Variants in TXNL1 observed in about 807,000 individuals in gnomAD.
TXNL1 encodes thioredoxin-like protein 1.
TXNL1 carries 14 observed loss-of-function variants against 35.5 expected under a neutral mutation model. That is an observed-to-expected ratio of 0.39 (90% CI 0.26 to 0.62). TXNL1 has a LOEUF of 0.62. TXNL1 is among the 20% of genes least tolerant of loss of function. TXNL1 has a pLI of 0.47. For missense variants in TXNL1, 263 were observed against 349.7 expected, an observed-to-expected ratio of 0.75 and a Z score of 1.98; for synonymous variants, 110 against 115.5, an observed-to-expected ratio of 0.95 and a Z score of 0.31.
At chr18:56,609,576 AATGAT>A (rs974375289) in intron 7 of TXNL1, 16 of 152,218 alleles carry the variant, frequency 1.1e-4, no homozygotes, top group African/African-American at 3.6e-4. Context: ...CAAATTAATG[AATGAT>A]ATGAGAAAAT....
At chr18:56,621,426 T>C (rs1341055017) in intron 3 of TXNL1, among the ~76,000 whole-genome samples, 1 of 151,974 alleles carries the variant, frequency 6.6e-6, no homozygotes, top group Admixed American at 6.6e-5. Context: ...ACTCCTGACC[T>C]CAGGTGATCC....
At chr18:56,626,601 A>C (rs1249516552) in intron 1 of TXNL1, 144 bp from the exon 2 acceptor site, 1 of 769,900 alleles carries the variant, frequency 1.3e-6, no homozygotes, top group Non-Finnish European at 2.0e-6. Context: ...TTTTTGCTTT[A>C]GACAGAGTCT....
intron 2 of TXNL1, among the ~76,000 whole-genome samples, chr18:56,625,575 G>C (rs1302672102): frequency 6.6e-6 from 1 of 152,120 alleles, no homozygotes; most frequent in Non-Finnish European, 1.5e-5. Flanking sequence ...TCTAGAAATA[G>C]TGATTAAATC....
chr18:56,630,745 A>C (rs1167692352), intron 1 of TXNL1, among the ~76,000 whole-genome samples: 1 of 152,166 alleles, frequency 6.6e-6, no homozygotes, highest in African/African-American at 2.4e-5. Flanking sequence ...TAGATTCTTT[A>C]ATTTCAGTTA....
chr18:56,614,524 CTTCT>C lies in TXNL1; in HGVS notation c.631_634del (p.Arg211ValfsTer9). On this transcript the variant is annotated frameshift_variant, in exon 6 of 8. Coordinates refer to ENST00000217515, the MANE Select transcript of TXNL1 (RefSeq NM_004786.3). LOFTEE classifies it high-confidence loss of function. ...CAGTTCCAGAGCTTGAGTTGGTTCA[CTTCT>C]TTCTGCCTCTTCAAAATCCATAGAT... is the stretch of plus-strand genomic sequence containing the variant. The C allele has an allele frequency of 6.2e-7, 1 of 1,613,942 alleles. No homozygotes were observed. The highest frequency in any genetic ancestry group is 8.5e-7 in the Non-Finnish European group (1 of 1,179,962).
At chr18:56,624,871 T>C (rs2024250609) in intron 2 of TXNL1, among the ~76,000 whole-genome samples, 1 of 152,166 alleles carries the variant, frequency 6.6e-6, no homozygotes, top group Admixed American at 6.5e-5. Context: ...TGAAAACCGG[T>C]AGCCAATCTG....
chr18:56,611,108 A>T lies in TXNL1; in HGVS notation c.736-11T>A. The T allele has an allele frequency of 6.4e-7, 1 of 1,569,228 alleles. No homozygotes were observed. The highest frequency in any genetic ancestry group is 2.3e-5 in the East Asian group (1 of 43,962). ...CGACTGAACAAATATCTACCAAAAA[A>T]AAGTTTGCATTTATAATTACAATCC... On this transcript the variant is annotated splice_polypyrimidine_tract_variant and intron_variant, in intron 6 of 7. Coordinates refer to ENST00000217515, the MANE Select transcript of TXNL1 (RefSeq NM_004786.3).
intron 1 of TXNL1, 104 bp downstream of exon 1, chr18:56,638,239 G>A: frequency 2.4e-6 from 3 of 1,228,450 alleles, no homozygotes; most frequent in Non-Finnish European, 3.4e-6. Flanking sequence ...GCGACTGCCG[G>A]ACACTCCGGG....
At chr18:56,621,869 G>T (rs186127642) in intron 3 of TXNL1, among the ~76,000 whole-genome samples, 2,257 of 151,810 alleles carry the variant, frequency 0.015, 39 homozygotes, top group Non-Finnish European at 0.016. Context: ...GTGTGGTGGT[G>T]GGCACCTATA....
chr18:56,624,154 T>C, intron 3 of TXNL1, 134 bp downstream of exon 3: 1 of 968,966 alleles, frequency 1.0e-6, no homozygotes. Flanking sequence ...GCTAATAAAT[T>C]TGAAAGCTCT....
chr18:56,629,723 A>G (rs372768313), intron 1 of TXNL1, among the ~76,000 whole-genome samples: 11 of 152,304 alleles, frequency 7.2e-5, no homozygotes, highest in African/African-American at 2.6e-4. Context: ...TTTAGTGTTA[A>G]CTGCATTTAC....
At chr18:56,618,149 T>C (rs2024121826) in intron 3 of TXNL1, 23 bp from the exon 4 acceptor site, 1 of 1,608,906 alleles carries the variant, frequency 6.2e-7, no homozygotes, top group African/African-American at 1.3e-5. Flanking sequence ...TGCAAGATTT[T>C]AGGCAACATA....
chr18:56,622,211 G>A (rs2144314640), intron 3 of TXNL1, among the ~76,000 whole-genome samples: 1 of 151,952 alleles, frequency 6.6e-6, no homozygotes, highest in African/African-American at 2.4e-5. Context: ...CATATTACTA[G>A]ACCAGTGCTG....
intron 1 of TXNL1, among the ~76,000 whole-genome samples, chr18:56,626,911 C>T (rs972319496): frequency 2.1e-5 from 3 of 143,064 alleles, no homozygotes; most frequent in African/African-American, 7.6e-5. Context: ...CTCAAGCAAT[C>T]CTCCCACCTC....
chr18:56,617,741 G>A (rs934416693), intron 4 of TXNL1, among the ~76,000 whole-genome samples: 2 of 152,202 alleles, frequency 1.3e-5, no homozygotes, highest in Non-Finnish European at 2.9e-5. Context: ...AGACCAAACA[G>A]TGGTAAGAGC....
chr18:56,617,244 T>G (rs1436097347), intron 4 of TXNL1, among the ~76,000 whole-genome samples: 1 of 152,178 alleles, frequency 6.6e-6, no homozygotes, highest in Non-Finnish European at 1.5e-5. Context: ...CTTTTTATAC[T>G]TGACCCATAA....
chr18:56,612,397 G>T (rs1598914273), intron 6 of TXNL1, among the ~76,000 whole-genome samples: 1 of 150,772 alleles, frequency 6.6e-6, no homozygotes, highest in East Asian at 2.0e-4. Flanking sequence ...TTTTTTTTAA[G>T]CTTGACTCTA....
intron 1 of TXNL1, among the ~76,000 whole-genome samples, chr18:56,634,360 C>A (rs2024423502): frequency 6.6e-6 from 1 of 152,124 alleles, no homozygotes; most frequent in Admixed American, 6.5e-5. Flanking sequence ...TTAACGGGAC[C>A]TTAAACAAAT....
At position 56,604,248 on chromosome 18, in the gene TXNL1, A is replaced by T. The variant is rs533173922; in HGVS notation, c.841-1192T>A. 4.0e-3 allele frequency among the ~76,000 whole-genome samples: 605 copies of T among 151,030 alleles called. 1 individual carries two copies. Among genetic ancestry groups the T allele is most frequent in the Admixed American group, 9.8e-3 (148 of 15,094 alleles). On this transcript the variant is annotated intron_variant, in intron 7 of 7. Coordinates refer to ENST00000217515, the MANE Select transcript of TXNL1 (RefSeq NM_004786.3). Reference sequence around the variant, plus strand: ...AAATTCAGGTTTTAAGAGCCACTAGAAGGGGAACTGGCATTATCTCTATCA... The same window carrying T: ...AAATTCAGGTTTTAAGAGCCACTAGTAGGGGAACTGGCATTATCTCTATCA...
Sources: allele counts gnomAD v4.1 joint callset (sites outside exome capture counted in the v4.1 genomes callset), GRCh38; gene constraint gnomAD v4.1.1; transcripts MANE v1.5; gene names NCBI Gene and HGNC (gene_info 2026-07-23, HGNC 2026-07-21).